Variants in ROBO1 observed in about 807,000 individuals in gnomAD.
The protein encoded by ROBO1 is roundabout guidance receptor 1.
Under a neutral mutation model 195.9 loss-of-function variants are expected in ROBO1, and 149 were observed. The ratio of observed to expected loss-of-function variants is 0.76; its 90% confidence interval spans 0.67 to 0.87. The LOEUF is 0.87. ROBO1 is among the 40% of genes least tolerant of loss of function. The probability of loss-of-function intolerance (pLI) is 0.00; values close to 1 mark genes in which losing one functional copy is unlikely to be tolerated. For missense variants in ROBO1, 1,933 were observed against 2,068.3 expected, an observed-to-expected ratio of 0.93 and a Z score of 1.27; for synonymous variants, 816 against 733.2, an observed-to-expected ratio of 1.11 and a Z score of -1.82.
At chr3:78,664,907 A>G (rs1211041344) in intron 14 of ROBO1, among the ~76,000 whole-genome samples, 1 of 152,176 alleles carries the variant, frequency 6.6e-6, no homozygotes, top group Non-Finnish European at 1.5e-5. Flanking sequence ...AATGAAGTCC[A>G]AGAATAGGCA....
At chr3:79,045,406 C>A (rs2078572207) in intron 3 of ROBO1, among the ~76,000 whole-genome samples, 1 of 151,982 alleles carries the variant, frequency 6.6e-6, no homozygotes, top group Non-Finnish European at 1.5e-5. Context: ...ATCAAATTAA[C>A]TCCACTTTAT....
intron 3 of ROBO1, among the ~76,000 whole-genome samples, chr3:79,119,538 T>G (rs2080077394): frequency 6.6e-6 from 1 of 152,138 alleles, no homozygotes; most frequent in Non-Finnish European, 1.5e-5. Context: ...TTTGACACAT[T>G]TATATTTATT....
chr3:78,711,427 CTTTCTTTCTTTCT>C lies in ROBO1; in HGVS notation c.1045+2957_1045+2969del, dbSNP rs1232886999. 1.4e-3 allele frequency among the ~76,000 whole-genome samples: 150 copies of C among 110,806 alleles called. 8 individuals are homozygous for C. Among genetic ancestry groups the C allele is most frequent in the African/African-American group, 3.3e-3 (85 of 25,374 alleles). The allele number at this position is 110,806 out of a possible 152,430, so 72.7% of individuals were successfully genotyped here. On this transcript the variant is annotated intron_variant, in intron 8 of 30. Transcript: ENST00000464233. ...TCTTTCTTTCTTTCTTTCTTTCTTT[CTTTCTTTCTTTCT>C]TTCCTTCCTTCCTTCCTTCCTTCCT...
At chr3:79,760,236 CAAAAAAAAAAAAAAAAAA>C (rs11451206) in intron 1 of ROBO1, among the ~76,000 whole-genome samples, 4 of 4,514 alleles carry the variant, frequency 8.9e-4, no homozygotes, top group South Asian at 0.014. Context: ...GACCCTATCT[CAAAAAAAAAAAAAAAAAA>C]AAAAAAAAAA....
chr3:79,418,677 A>G (rs988128933), intron 2 of ROBO1, among the ~76,000 whole-genome samples: 4 of 152,170 alleles, frequency 2.6e-5, no homozygotes, highest in South Asian at 2.1e-4. Context: ...TAGTAACTAT[A>G]CAAGAGAAAG....
At chr3:79,377,857 C>T (rs1039602757) in intron 2 of ROBO1, among the ~76,000 whole-genome samples, 16 of 152,084 alleles carry the variant, frequency 1.1e-4, no homozygotes, top group Non-Finnish European at 2.4e-4. Flanking sequence ...AAACCTAAAA[C>T]TATTTTGAAT....
intron 2 of ROBO1, among the ~76,000 whole-genome samples, chr3:79,136,281 A>C (rs1417895194): frequency 2.6e-5 from 4 of 152,144 alleles, no homozygotes; most frequent in Non-Finnish European, 5.9e-5. Flanking sequence ...AGCTCAAAAC[A>C]TTAGGGTTTC....
chr3:79,114,121 A>G (rs542182524), intron 3 of ROBO1, among the ~76,000 whole-genome samples: 17 of 152,192 alleles, frequency 1.1e-4, no homozygotes, highest in African/African-American at 4.1e-4. Context: ...GCCTCCCTTT[A>G]TCCTTCTGCT....
chr3:79,626,027 C>A (rs930089873), intron 1 of ROBO1, among the ~76,000 whole-genome samples: 1 of 152,036 alleles, frequency 6.6e-6, no homozygotes, highest in African/African-American at 2.4e-5. Flanking sequence ...TCAGCTTCAT[C>A]CCTGGTTCAA....
chr3:79,628,415 T>C (rs1945243156), intron 1 of ROBO1, among the ~76,000 whole-genome samples: 1 of 152,016 alleles, frequency 6.6e-6, no homozygotes. Flanking sequence ...TTCTCACTCA[T>C]AAGTGGAAGT....
chr3:79,728,516 G>T (rs989011578), intron 1 of ROBO1, among the ~76,000 whole-genome samples: 1 of 152,066 alleles, frequency 6.6e-6, no homozygotes, highest in Non-Finnish European at 1.5e-5. Flanking sequence ...TGTAAAAGGT[G>T]AAATATTTGT....
intron 24 of ROBO1, among the ~76,000 whole-genome samples, chr3:78,632,369 G>C (rs1275836055): frequency 6.6e-6 from 1 of 152,164 alleles, no homozygotes; most frequent in Non-Finnish European, 1.5e-5. Flanking sequence ...GCGTGGGCTA[G>C]GGACAGGCTG....
chr3:79,296,793 GA>G (rs1287464243), intron 2 of ROBO1, among the ~76,000 whole-genome samples: 2 of 152,068 alleles, frequency 1.3e-5, no homozygotes, highest in Non-Finnish European at 2.9e-5. Context: ...AGAAATTATT[GA>G]CTTCTATTCA....
At chr3:79,764,014 G>A (rs1704852108) in intron 1 of ROBO1, among the ~76,000 whole-genome samples, 1 of 152,160 alleles carries the variant, frequency 6.6e-6, no homozygotes. Flanking sequence ...GAAAGAACTT[G>A]TTTTTAATCC....
chr3:78,848,241 A>T (rs1480215715), intron 4 of ROBO1, among the ~76,000 whole-genome samples: 2 of 152,188 alleles, frequency 1.3e-5, no homozygotes, highest in Non-Finnish European at 2.9e-5. Flanking sequence ...TAGAAATTTT[A>T]AAAAAGCTAC....
chr3:78,925,962 C>T (rs2039192262), intron 4 of ROBO1, among the ~76,000 whole-genome samples: 1 of 151,994 alleles, frequency 6.6e-6, no homozygotes, highest in African/African-American at 2.4e-5. Flanking sequence ...CCTCCGCCTC[C>T]CAGGTTCAAG....
intron 2 of ROBO1, among the ~76,000 whole-genome samples, chr3:79,222,534 C>CA (rs944690513): frequency 2.6e-5 from 4 of 151,356 alleles, no homozygotes; most frequent in African/African-American, 9.7e-5. Flanking sequence ...AATATAGGGC[C>CA]AGGTAAAATT....
intron 3 of ROBO1, among the ~76,000 whole-genome samples, chr3:79,014,314 A>G (rs1366720137): frequency 6.6e-6 from 1 of 152,082 alleles, no homozygotes; most frequent in Non-Finnish European, 1.5e-5. Context: ...TACTACTAAA[A>G]ATACAAAAAC....
intron 3 of ROBO1, among the ~76,000 whole-genome samples, chr3:78,983,808 T>C (rs923751527): frequency 1.3e-5 from 2 of 152,166 alleles, no homozygotes; most frequent in Non-Finnish European, 2.9e-5. Context: ...CATCTTGGTT[T>C]CAGCTGGAGG....
Sources: gnomAD v4.1 joint callset for allele counts (sites outside exome capture counted in the v4.1 genomes callset) on GRCh38, gnomAD v4.1.1 for gene constraint, MANE v1.5 for transcripts, NCBI Gene and HGNC (gene_info 2026-07-23, HGNC 2026-07-21) for gene names.